TMEM132C: variants seen among roughly 807,000 people sequenced by gnomAD.
TMEM132C encodes the protein transmembrane protein 132C.
TMEM132C carries 29 observed loss-of-function variants against 61.4 expected under a neutral mutation model. That is an observed-to-expected ratio of 0.47 (90% CI 0.35 to 0.64). TMEM132C has a LOEUF of 0.64. Ranked by LOEUF, TMEM132C falls within the 30% of genes least tolerant of loss-of-function variation. TMEM132C has a pLI of 0.00. For missense variants in TMEM132C, 1,408 were observed against 1,476.9 expected (o/e 0.95, Z 0.76); for synonymous variants, 656 against 633.1 (o/e 1.04, Z -0.54).
At chr12:128,448,909 G>A (rs1007708300) in intron 2 of TMEM132C, among the ~76,000 whole-genome samples, 10 of 151,944 alleles carry the variant, frequency 6.6e-5, no homozygotes, top group African/African-American at 1.4e-4. Context: ...AGGCCGAGGC[G>A]GGCGGATCAC....
chr12:128,479,155 G>A (rs529777621), intron 2 of TMEM132C, among the ~76,000 whole-genome samples: 1 of 152,228 alleles, frequency 6.6e-6, no homozygotes, highest in Admixed American at 6.5e-5. Flanking sequence ...ATAAGTGGGA[G>A]CTAAATGATG....
chr12:128,666,185 ACACACAGG>A, intron 4 of TMEM132C, among the ~76,000 whole-genome samples: 1 of 149,108 alleles, frequency 6.7e-6, no homozygotes, highest in South Asian at 2.2e-4. Flanking sequence ...ACACACACAT[ACACACAGG>A]CACATGTACC....
chr12:128,666,402 C>T lies in TMEM132C; in HGVS notation c.1306-3015C>T, dbSNP rs551794166. ...CACTGAATCTTGCACTTGGACTTCC[C>T]AGCCTCCAGAACTGTAAGAAACAAA... On this transcript the variant is annotated intron_variant, in intron 4 of 8. Transcript: ENST00000435159. Among the ~76,000 whole-genome samples the T allele has an allele frequency of 3.3e-5, 5 of 152,296 alleles. No homozygotes were observed. The South Asian group carries it at 8.3e-4, about 25-fold the overall frequency.
At chr12:128,564,196 T>C (rs1234609872) in intron 3 of TMEM132C, among the ~76,000 whole-genome samples, 1 of 152,166 alleles carries the variant, frequency 6.6e-6, no homozygotes, top group Non-Finnish European at 1.5e-5. Context: ...ATGCTCAAGA[T>C]CTCATCTAAA....
At chr12:128,504,348 A>G (rs996177603) in intron 2 of TMEM132C, among the ~76,000 whole-genome samples, 4 of 152,218 alleles carry the variant, frequency 2.6e-5, no homozygotes, top group South Asian at 2.1e-4. Context: ...CATTCCAGCT[A>G]TCAATGGGAA....
At chr12:128,339,397 G>A (rs1872887859) in intron 1 of TMEM132C, among the ~76,000 whole-genome samples, 1 of 152,106 alleles carries the variant, frequency 6.6e-6, no homozygotes, top group South Asian at 2.1e-4. Flanking sequence ...AGAGAAAGGA[G>A]GGTGTCTGCC....
chr12:128,325,783 T>G lies in TMEM132C; in HGVS notation c.85+58296T>G, dbSNP rs576337993. ...AGTTGGATCCTGCTGTTCCCCCATT[T>G]GGTGACCTGGAAGGATCACCAGCAA... On this transcript the variant is annotated intron_variant, in intron 1 of 8. Transcript: ENST00000435159. Among the ~76,000 whole-genome samples, 22 of 152,270 alleles carry G rather than the reference T, an allele frequency of 1.4e-4. No individual in the cohort carries two copies. The East Asian group carries it at 3.9e-3, about 27-fold the overall frequency.
At position 128,533,150 on chromosome 12, in the gene TMEM132C, T is replaced by C. The variant is rs527723224; in HGVS notation, c.975-10807T>C. Among the ~76,000 whole-genome samples, 8 of 152,292 alleles carry C rather than the reference T, an allele frequency of 5.3e-5. No homozygotes were observed. In the East Asian group the frequency reaches 1.5e-3, roughly 29 times the overall value. The stretch of plus-strand genomic sequence containing the variant: ...CTCCTCTTCTCAGTGCAGAAGCTGT[T>C]ATGTACATGTGACCAGAGGCTTTCC... On this transcript the variant is annotated intron_variant, in intron 2 of 8. Transcript: ENST00000435159.
chr12:128,436,576 C>T (rs1308891407), intron 2 of TMEM132C, among the ~76,000 whole-genome samples: 1 of 152,174 alleles, frequency 6.6e-6, no homozygotes, highest in East Asian at 1.9e-4. Context: ...CAGAGAAATG[C>T]AAATCAAAAA....
chr12:128,483,321 A>AGGGGGGAGGGGAGGAGAGGGGAGGAGG (rs375658972), intron 2 of TMEM132C, among the ~76,000 whole-genome samples: 1 of 63,824 alleles, frequency 1.6e-5, no homozygotes, highest in Admixed American at 1.8e-4. Context: ...AGGGGAGAGG[A>AGGGGGGAGGGGAGGAGAGGGGAGGAGG]GGGGAGGGTG....
At chr12:128,364,937 G>A (rs1873816439) in intron 1 of TMEM132C, among the ~76,000 whole-genome samples, 1 of 152,210 alleles carries the variant, frequency 6.6e-6, no homozygotes. Context: ...AGGTTTGGAC[G>A]TCAGTAGAGA....
At chr12:128,592,045 C>CA (rs1165038921) in intron 3 of TMEM132C, among the ~76,000 whole-genome samples, 11,149 of 50,056 alleles carry the variant, frequency 0.22, 599 homozygotes, top group Non-Finnish European at 0.3. Context: ...GAGTGAGACT[C>CA]AAAAAAAAAA....
At chr12:128,393,255 C>T (rs537851463) in intron 1 of TMEM132C, among the ~76,000 whole-genome samples, 1 of 152,252 alleles carries the variant, frequency 6.6e-6, no homozygotes, top group South Asian at 2.1e-4. Context: ...AATCCAGGGC[C>T]GTCAAATGTA....
At chr12:128,598,859 G>A (rs2135572119) in intron 3 of TMEM132C, among the ~76,000 whole-genome samples, 2 of 143,238 alleles carry the variant, frequency 1.4e-5, no homozygotes, top group Non-Finnish European at 3.0e-5. Context: ...GCTGGGGTGG[G>A]GTTTGGGGTG....
chr12:128,651,196 G>A (rs1954266129), intron 4 of TMEM132C, among the ~76,000 whole-genome samples: 1 of 152,236 alleles, frequency 6.6e-6, no homozygotes, highest in Admixed American at 6.5e-5. Context: ...GCCCAAGGCT[G>A]CAGCTTGAAG....
chr12:128,385,992 C>T (rs1342745500), intron 1 of TMEM132C, among the ~76,000 whole-genome samples: 1 of 152,168 alleles, frequency 6.6e-6, no homozygotes, highest in East Asian at 1.9e-4. Flanking sequence ...GGCTATGGCC[C>T]CTGGAACAGC....
At chr12:128,397,230 A>C (rs1014710719) in intron 1 of TMEM132C, among the ~76,000 whole-genome samples, 1 of 151,814 alleles carries the variant, frequency 6.6e-6, no homozygotes, top group South Asian at 2.1e-4. Flanking sequence ...CTGTGTCTCC[A>C]CCTGTGCCCA....
intron 1 of TMEM132C, among the ~76,000 whole-genome samples, chr12:128,342,527 C>T (rs930063703): frequency 5.3e-5 from 8 of 152,144 alleles, no homozygotes; most frequent in African/African-American, 1.2e-4. Context: ...TGCCCCTGGC[C>T]GAGGTGTCAC....
At chr12:128,615,046 C>T (rs993422795) in intron 3 of TMEM132C, among the ~76,000 whole-genome samples, 1 of 152,244 alleles carries the variant, frequency 6.6e-6, no homozygotes, top group African/African-American at 2.4e-5. Context: ...CTGGCTGCTG[C>T]TCTAGAACCC....
Sources: allele counts gnomAD v4.1 joint callset (sites outside exome capture counted in the v4.1 genomes callset), GRCh38; gene constraint gnomAD v4.1.1; transcripts MANE v1.5; gene names NCBI Gene and HGNC (gene_info 2026-07-23, HGNC 2026-07-21).